The following CNTNAP5 variants were observed in gnomAD, a reference collection of about 807,000 sequenced individuals.
CNTNAP5 encodes contactin associated protein family member 5, also known as contactin-associated protein-like 5.
In CNTNAP5, 72 loss-of-function variants were observed where a neutral mutation model predicts 150.2. That is an observed-to-expected ratio of 0.48 (90% CI 0.40 to 0.58). The LOEUF (loss-of-function observed/expected upper bound fraction) is 0.58, where lower values mean the gene tolerates loss of function less well. Ranked by LOEUF, CNTNAP5 falls within the 20% of genes least tolerant of loss-of-function variation. The pLI is 0.00. For missense variants in CNTNAP5, 1,636 were observed against 1,626.2 expected, an observed-to-expected ratio of 1.01 and a Z score of -0.10; for synonymous variants, 672 against 619.8, an observed-to-expected ratio of 1.08 and a Z score of -1.25.
chr2:124,700,813 A>G (rs1232663487), intron 13 of CNTNAP5, among the ~76,000 whole-genome samples: 1 of 152,012 alleles, frequency 6.6e-6, no homozygotes, highest in Non-Finnish European at 1.5e-5. Flanking sequence ...TATTTAAGGT[A>G]TACAAAACAT....
intron 13 of CNTNAP5, among the ~76,000 whole-genome samples, chr2:124,712,697 C>T (rs1679831105): frequency 6.6e-6 from 1 of 151,972 alleles, no homozygotes; most frequent in Admixed American, 6.6e-5. Flanking sequence ...CTAACAGTGC[C>T]TTCTTGCTGT....
chr2:124,542,066 T>A (rs1695399470), intron 10 of CNTNAP5, among the ~76,000 whole-genome samples: 1 of 151,922 alleles, frequency 6.6e-6, no homozygotes, highest in Non-Finnish European at 1.5e-5. Flanking sequence ...CCTCCCCAAA[T>A]GCATACGTTA....
chr2:124,445,642 G>A (rs1692793896), intron 5 of CNTNAP5, among the ~76,000 whole-genome samples: 1 of 152,166 alleles, frequency 6.6e-6, no homozygotes, highest in Non-Finnish European at 1.5e-5. Flanking sequence ...CCATAATGGA[G>A]GTGGGAGTGA....
chr2:124,835,321 C>T (rs963720433), intron 19 of CNTNAP5, among the ~76,000 whole-genome samples: 1 of 152,068 alleles, frequency 6.6e-6, no homozygotes, highest in Admixed American at 6.6e-5. Context: ...CTGCTCAGTC[C>T]TTTGGGTCTC....
intron 3 of CNTNAP5, among the ~76,000 whole-genome samples, chr2:124,377,716 T>G (rs1690686597): frequency 6.6e-6 from 1 of 151,694 alleles, no homozygotes; most frequent in Admixed American, 6.6e-5. Flanking sequence ...ATGCACCTTT[T>G]TTTTTTATGG....
chr2:124,159,946 A>G (rs559111740), intron 1 of CNTNAP5, among the ~76,000 whole-genome samples: 7 of 152,368 alleles, frequency 4.6e-5, no homozygotes, highest in Non-Finnish European at 1.0e-4. Flanking sequence ...TCTTCCAAAG[A>G]CTAAGCAATA....
chr2:124,786,811 T>C lies in CNTNAP5; in HGVS notation c.2753-3091T>C, dbSNP rs558224512. 3.3e-5 allele frequency among the ~76,000 whole-genome samples: 5 copies of C among 152,248 alleles called. No individual in the cohort carries two copies. In the South Asian group the frequency reaches 1.0e-3, roughly 32 times the overall value. ...CATGCCTCCAATAACTCTCTACACA[T>C]AGTAGGTAAAAAGGGCCGCTTTTAA... On this transcript the variant is annotated intron_variant, in intron 17 of 23. Transcript: ENST00000682447.
rs559596426 is a variant in CNTNAP5 at position 124,259,481 on chromosome 2, A to G, written c.381+17088A>G. Among the ~76,000 whole-genome samples the G allele has an allele frequency of 8.7e-4, 132 of 152,280 alleles. 2 individuals carry two copies. In the Middle Eastern group the frequency reaches 0.02, roughly 24 times the overall value. ...TAGTTTACAGTCCCACCAACAGTGT[A>G]AAAGTGTTCCTATTTCTCCACATCC... is the stretch of plus-strand genomic sequence containing the variant. On this transcript the variant is annotated intron_variant, in intron 3 of 23. Transcript: ENST00000682447.
intron 2 of CNTNAP5, among the ~76,000 whole-genome samples, chr2:124,228,543 C>A (rs1300451828): frequency 6.6e-6 from 1 of 152,140 alleles, no homozygotes; most frequent in Non-Finnish European, 1.5e-5. Flanking sequence ...GACAACTTCA[C>A]AGTATCTAAG....
intron 12 of CNTNAP5, among the ~76,000 whole-genome samples, chr2:124,621,999 T>C (rs1408011018): frequency 6.6e-6 from 1 of 152,152 alleles, no homozygotes; most frequent in Non-Finnish European, 1.5e-5. Flanking sequence ...ATATGCACGA[T>C]GTGGAGGTTT....
chr2:124,292,892 A>G (rs1017178219), intron 3 of CNTNAP5, among the ~76,000 whole-genome samples: 8 of 152,094 alleles, frequency 5.3e-5, no homozygotes, highest in African/African-American at 1.9e-4. Flanking sequence ...ATTTTAAACT[A>G]TAATTCTGAA....
chr2:124,255,881 A>G lies in CNTNAP5; in HGVS notation c.381+13488A>G, dbSNP rs115843107. Among the ~76,000 whole-genome samples, 660 of 152,304 alleles carry G rather than the reference A, an allele frequency of 4.3e-3. 4 individuals are homozygous for G. Among genetic ancestry groups the G allele is most frequent in the African/African-American group, 0.015 (634 of 41,578 alleles). On this transcript the variant is annotated intron_variant, in intron 3 of 23. Coordinates refer to ENST00000682447, the MANE Select transcript of CNTNAP5 (RefSeq NM_001367498.1). Reference sequence around the variant, plus strand: ...AGCCCAGGCACATAGTAGGTACTCAATAAATGCTGGCTTTAAATAATTAAA... The same window carrying G: ...AGCCCAGGCACATAGTAGGTACTCAGTAAATGCTGGCTTTAAATAATTAAA...
chr2:124,690,380 A>G (rs544948466), intron 13 of CNTNAP5, among the ~76,000 whole-genome samples: 1 of 152,120 alleles, frequency 6.6e-6, no homozygotes, highest in South Asian at 2.1e-4. Flanking sequence ...GTTTCCCCTC[A>G]CTGAGCAACA....
intron 17 of CNTNAP5, among the ~76,000 whole-genome samples, chr2:124,785,206 A>G (rs1342917343): frequency 1.3e-5 from 2 of 152,188 alleles, no homozygotes; most frequent in Admixed American, 6.5e-5. Flanking sequence ...GAAAAATTAA[A>G]TACTTGCAGT....
chr2:124,185,670 T>G (rs968808583), intron 1 of CNTNAP5, among the ~76,000 whole-genome samples: 2 of 151,776 alleles, frequency 1.3e-5, no homozygotes, highest in Non-Finnish European at 2.9e-5. Context: ...GAAGAGCGTC[T>G]GTTTAAACTG....
intron 19 of CNTNAP5, among the ~76,000 whole-genome samples, chr2:124,815,057 A>T (rs1573635856): frequency 6.6e-6 from 1 of 152,316 alleles, no homozygotes; most frequent in East Asian, 1.9e-4. Flanking sequence ...AATGAAAATC[A>T]AAGAAACAGC....
chr2:124,215,218 TC>T (rs1450527858), intron 1 of CNTNAP5, among the ~76,000 whole-genome samples: 2 of 152,180 alleles, frequency 1.3e-5, no homozygotes, highest in African/African-American at 2.4e-5. Flanking sequence ...TACAAGTGAA[TC>T]TTTTAAGCTC....
At chr2:124,863,388 G>A (rs930088464) in intron 19 of CNTNAP5, among the ~76,000 whole-genome samples, 4 of 152,170 alleles carry the variant, frequency 2.6e-5, no homozygotes, top group African/African-American at 9.7e-5. Context: ...ACCAGCTCCT[G>A]TCTGCACAAA....
At chr2:124,714,520 G>A (rs1679906051) in intron 13 of CNTNAP5, among the ~76,000 whole-genome samples, 1 of 151,972 alleles carries the variant, frequency 6.6e-6, no homozygotes, top group African/African-American at 2.4e-5. Flanking sequence ...AAAGGCAAAG[G>A]CATTACCTTC....
Sources: gnomAD v4.1 joint callset for allele counts (sites outside exome capture counted in the v4.1 genomes callset) on GRCh38, gnomAD v4.1.1 for gene constraint, MANE v1.5 for transcripts, NCBI Gene and HGNC (gene_info 2026-07-23, HGNC 2026-07-21) for gene names.